PXDN: variants seen among roughly 807,000 people sequenced by gnomAD.
PXDN encodes peroxidasin homolog.
PXDN carries 77 observed loss-of-function variants against 140.3 expected under a neutral mutation model. The observed-to-expected ratio is 0.55, with a 90% confidence interval of 0.46 to 0.66. PXDN has a LOEUF of 0.66. Ranked by LOEUF, PXDN falls within the 30% of genes least tolerant of loss-of-function variation. PXDN has a pLI of 0.00. For missense variants in PXDN, 1,838 were observed against 2,039.5 expected, an observed-to-expected ratio of 0.90 and a Z score of 1.90; for synonymous variants, 911 against 857.4, an observed-to-expected ratio of 1.06 and a Z score of -1.09.
At chr2:1,680,049 T>A in intron 7 of PXDN, 144 bp downstream of exon 7, 6 of 1,056,366 alleles carry the variant, frequency 5.7e-6, no homozygotes, top group Non-Finnish European at 8.0e-6. Flanking sequence ...GTGGTTTGTG[T>A]CTGCGCGTGT....
chr2:1,713,147 A>G (rs550942042), intron 1 of PXDN, among the ~76,000 whole-genome samples: 2 of 152,212 alleles, frequency 1.3e-5, no homozygotes, highest in African/African-American at 4.8e-5. Context: ...CGAGTCCCCA[A>G]GCCGCTGCAC....
chr2:1,647,305 T>A (rs2125409475), intron 17 of PXDN, among the ~76,000 whole-genome samples: 1 of 152,336 alleles, frequency 6.6e-6, no homozygotes. Flanking sequence ...GGAGAGCCGC[T>A]GAATGTCTCC....
Position 1,744,482 on chromosome 2 carries a change from A to G in PXDN, c.-27T>C. On this transcript the variant is annotated 5_prime_UTR_variant, in exon 1 of 23. Transcript: ENST00000252804. ...GCCGACGGCGCGGACGGACGCTCGG[A>G]CGCACGGAGCCACCACGGCCGGCTC... 7.0e-7 allele frequency: 1 copy of G among 1,422,184 alleles called. No individual in the cohort carries two copies. The highest frequency in any genetic ancestry group is 1.5e-5 in the African/African-American group (1 of 66,774). The allele number at this position is 1,422,184 out of a possible 1,614,324, so 88.1% of individuals were successfully genotyped here.
intron 1 of PXDN, among the ~76,000 whole-genome samples, chr2:1,733,789 A>C (rs906695490): frequency 6.6e-6 from 1 of 151,656 alleles, no homozygotes; most frequent in African/African-American, 2.4e-5. Flanking sequence ...GAAAATCACC[A>C]ACTCAGAATA....
rs555321294 is a variant in PXDN at position 1,632,828 on chromosome 2, C to G, written c.*1376G>C. The stretch of plus-strand genomic sequence containing the variant: ...ACCTCAGGGGCTCCCTCCACCACCT[C>G]AGCTGGGCCTTGCTGCGGGCAGGTG... On this transcript the variant is annotated 3_prime_UTR_variant, in exon 23 of 23. Coordinates refer to ENST00000252804, the MANE Select transcript of PXDN (RefSeq NM_012293.3). This position sits in a 1 kb window ranked among gnomAD's most constrained non-coding sequence, Gnocchi z 4.3. 1 of 152,512 alleles carries G rather than the reference C, an allele frequency of 6.6e-6. No homozygotes were observed. Among genetic ancestry groups the G allele is most frequent in the East Asian group, 1.9e-4 (1 of 5,182 alleles). 9.4% of individuals were successfully genotyped at this position (152,512 alleles called of 1,614,324 possible).
intron 21 of PXDN, 128 bp downstream of exon 21, chr2:1,638,718 G>T: frequency 7.0e-7 from 1 of 1,420,248 alleles, no homozygotes. Context: ...CAAGGCTCCA[G>T]GGTCTGGGTC....
intron 1 of PXDN, among the ~76,000 whole-genome samples, chr2:1,713,971 A>G (rs1417853155): frequency 6.6e-6 from 1 of 152,246 alleles, no homozygotes; most frequent in Non-Finnish European, 1.5e-5. Context: ...TGTGCGGGCC[A>G]GGCACGTGGG....
chr2:1,657,953 A>T (rs1389956254), intron 14 of PXDN, among the ~76,000 whole-genome samples: 2 of 65,118 alleles, frequency 3.1e-5, no homozygotes, highest in South Asian at 5.5e-4. Flanking sequence ...CCCCCTCCTC[A>T]CTGGGACTTG....
At chr2:1,691,422 T>G (rs1227817693) in intron 3 of PXDN, among the ~76,000 whole-genome samples, 1 of 152,196 alleles carries the variant, frequency 6.6e-6, no homozygotes, top group Non-Finnish European at 1.5e-5. Context: ...TGAAATAAAA[T>G]TTAACTGCAC....
intron 18 of PXDN, among the ~76,000 whole-genome samples, chr2:1,643,930 G>A (rs1274248768): frequency 6.6e-6 from 1 of 151,756 alleles, no homozygotes; most frequent in African/African-American, 2.4e-5. Flanking sequence ...AAATTAGCCG[G>A]GTGTGGTGGT....
chr2:1,634,609 C>T (rs1682500571), intron 22 of PXDN, among the ~76,000 whole-genome samples: 1 of 152,138 alleles, frequency 6.6e-6, no homozygotes, highest in Admixed American at 6.5e-5. Flanking sequence ...CCTGAGGGGC[C>T]AAGACCACCA....
At chr2:1,700,547 G>A (rs766483009) in intron 1 of PXDN, among the ~76,000 whole-genome samples, 3 of 152,082 alleles carry the variant, frequency 2.0e-5, no homozygotes, top group African/African-American at 4.8e-5. Flanking sequence ...AAATCACGGC[G>A]ATGATGTTGT....
chr2:1,696,906 A>G (rs1443002709), intron 1 of PXDN, among the ~76,000 whole-genome samples: 3 of 152,218 alleles, frequency 2.0e-5, no homozygotes, highest in Non-Finnish European at 4.4e-5. Context: ...CACCACAGAC[A>G]CAAGAAGCCA....
chr2:1,730,951 G>A (rs561994521), intron 1 of PXDN, among the ~76,000 whole-genome samples: 2 of 152,262 alleles, frequency 1.3e-5, no homozygotes, highest in African/African-American at 4.8e-5. Flanking sequence ...GAGAAGAGGA[G>A]GGAGAGAGTT....
intron 1 of PXDN, among the ~76,000 whole-genome samples, chr2:1,707,413 A>G (rs1398876412): frequency 3.3e-5 from 4 of 122,564 alleles, no homozygotes; most frequent in African/African-American, 1.1e-4. Context: ...CACTAATAAT[A>G]CAAACTGAGA....
chr2:1,646,330 C>A (rs543193408), intron 17 of PXDN, among the ~76,000 whole-genome samples: 1 of 152,232 alleles, frequency 6.6e-6, no homozygotes, highest in Admixed American at 6.5e-5. Context: ...CTGGGCTCCA[C>A]ATCTAGCTCT....
chr2:1,673,580 A>G, intron 9 of PXDN, 63 bp downstream of exon 9: 2 of 1,534,948 alleles, frequency 1.3e-6, no homozygotes, highest in Non-Finnish European at 1.8e-6. Context: ...AGGAAAGGAG[A>G]AGGCAGATAG....
intron 16 of PXDN, among the ~76,000 whole-genome samples, chr2:1,650,259 G>A (rs1051618257): frequency 6.6e-6 from 1 of 152,240 alleles, no homozygotes; most frequent in South Asian, 2.1e-4. Context: ...CATTTCTCTG[G>A]CAGAATCCTG....
Position 1,673,809 on chromosome 2 carries a change from A to G in PXDN, c.852T>C (p.Asn284=). 1.2e-6 allele frequency: 2 copies of G among 1,613,920 alleles called. No individual in the cohort carries two copies. The highest frequency in any genetic ancestry group is 1.7e-6 in the Non-Finnish European group (2 of 1,179,836). ...GGGAATCTGTCTTCATGCTCAGCTC[A>G]TTACTACAAAGACAGAAATATGGTC... ...KPEIIWLRNN[N]ELSMKTDSRL... is the part of the protein sequence containing the mutation. Residue 284 remains asparagine (N), a synonymous_variant, in exon 9 of 23, where the codon AAT becomes AAC. Transcript: ENST00000252804.
Sources: gnomAD v4.1 joint callset for allele counts (sites outside exome capture counted in the v4.1 genomes callset) on GRCh38, gnomAD v4.1.1 for gene constraint, Gnocchi (gnomAD v3.1) non-coding constraint, MANE v1.5 for transcripts, NCBI Gene and HGNC (gene_info 2026-07-23, HGNC 2026-07-21) for gene names.